CIITA: variants seen among roughly 807,000 people sequenced by gnomAD.
CIITA encodes MHC class II transactivator.
CIITA carries 72 observed loss-of-function variants against 115.1 expected under a neutral mutation model. That is an observed-to-expected ratio of 0.63 (90% CI 0.52 to 0.76). CIITA has a LOEUF of 0.76. Among genes scored for constraint, CIITA ranks in the 30% least tolerant of loss-of-function variants. The pLI, the probability that CIITA is intolerant of heterozygous loss-of-function variation, is 0.00. For missense variants in CIITA, 1,617 were observed against 1,463.8 expected, an observed-to-expected ratio of 1.10 and a Z score of -1.71; for synonymous variants, 763 against 635.6, an observed-to-expected ratio of 1.20 and a Z score of -3.02.
At chr16:10,889,005 A>C (rs889132759) in intron 1 of CIITA, among the ~76,000 whole-genome samples, 3 of 152,220 alleles carry the variant, frequency 2.0e-5, no homozygotes, top group Non-Finnish European at 4.4e-5. Context: ...GAGTCATGTC[A>C]TTTGGTACCT....
At position 10,907,772 on chromosome 16, in the gene CIITA, G is replaced by A. The variant is rs534878029; in HGVS notation, c.2280G>A (p.Gly760=). The A allele has an allele frequency of 1.2e-6, 2 of 1,614,224 alleles. No homozygotes were observed. The highest frequency in any genetic ancestry group is 1.7e-6 in the Non-Finnish European group (2 of 1,180,034). ...WLEGVPRFLA[G]LIFQPPARCL... ...AGGGCGTGCCACGCTTTCTGGCTGGGCTGATCTTCCAGCCTCCCGCCCGCT... is the reference window on the plus strand; with the variant it reads ...AGGGCGTGCCACGCTTTCTGGCTGGACTGATCTTCCAGCCTCCCGCCCGCT... The change falls in exon 11 of 20, where the codon GGG becomes GGA. Residue 760 remains glycine, a synonymous_variant. Coordinates refer to ENST00000324288, the MANE Select transcript of CIITA (RefSeq NM_000246.4). The surrounding 1 kb of genome is among the most constrained non-coding windows in gnomAD (Gnocchi z 5.0).
chr16:10,879,613 G>A lies in CIITA; in HGVS notation c.52+2231G>A, dbSNP rs1489439052. 6.7e-6 allele frequency among the ~76,000 whole-genome samples: 1 copy of A among 149,036 alleles called. No individual in the cohort carries two copies. The highest frequency in any genetic ancestry group is 2.4e-5 in the African/African-American group (1 of 40,834). Reference sequence around the variant, plus strand: ...CTCAACTCTCGTTGAACATCTTGGCGAAGGTGTGTGTTGTTGGGAGGGGTG... The same window carrying A: ...CTCAACTCTCGTTGAACATCTTGGCAAAGGTGTGTGTTGTTGGGAGGGGTG... On this transcript the variant is annotated intron_variant, in intron 1 of 19. Coordinates refer to ENST00000324288, the MANE Select transcript of CIITA (RefSeq NM_000246.4). This position sits in a 1 kb window ranked among gnomAD's most constrained non-coding sequence, Gnocchi z 4.3.
At chr16:10,894,066 G>T (rs1203794328) in intron 1 of CIITA, among the ~76,000 whole-genome samples, 2 of 152,040 alleles carry the variant, frequency 1.3e-5, no homozygotes, top group Non-Finnish European at 2.9e-5. Context: ...TGCCCAGGCT[G>T]GTCTTGAACA....
intron 1 of CIITA, among the ~76,000 whole-genome samples, chr16:10,892,941 C>CA (rs2037744950): frequency 6.6e-6 from 1 of 151,520 alleles, no homozygotes; most frequent in Non-Finnish European, 1.5e-5. Flanking sequence ...CAAAAGAAGG[C>CA]AAAAAAAGAA....
rs1164161186 is a variant in CIITA at position 10,924,157 on chromosome 16, G to C, written c.*302G>C. On this transcript the variant is annotated 3_prime_UTR_variant, in exon 20 of 20. Transcript: ENST00000324288. ...CCTTCTCTGAAGGACATTGCGGACA[G>C]CCACGGCCAGGCCAGAGGGAGTGAC... 1 of 152,358 alleles carries C rather than the reference G, an allele frequency of 6.6e-6. No homozygotes were observed. The highest frequency in any genetic ancestry group is 1.5e-5 in the Non-Finnish European group (1 of 68,154). 9.4% of individuals were successfully genotyped at this position (152,358 alleles called of 1,614,324 possible). A position where few individuals can be genotyped will look rare whatever the true frequency, so the allele number is the denominator to read the frequency against.
In CIITA at chr16:10,923,721, G is replaced by A. The variant is rs1217494307; in HGVS notation, c.*23-157G>A. Among the ~76,000 whole-genome samples, 1 of 151,994 alleles carries A rather than the reference G, an allele frequency of 6.6e-6. No homozygotes were observed. The highest frequency in any genetic ancestry group is 2.4e-5 in the African/African-American group (1 of 41,360). ...CCTGCTCCTCACTATGAAGATCACT[G>A]TCCCCCAGCCCTGTGCTCCCCGCAC... is the stretch of plus-strand genomic sequence containing the variant. On this transcript the variant is annotated intron_variant, in intron 19 of 19. Transcript: ENST00000324288. This position sits in a 1 kb window ranked among gnomAD's most constrained non-coding sequence, Gnocchi z 5.2.
chr16:10,936,974 G>C (rs1475395577), downstream of CIITA: 1 of 152,214 alleles, frequency 6.6e-6, no homozygotes, highest in African/African-American at 2.4e-5. Context: ...CACTTTCTTA[G>C]TTCGGCAAAA....
At position 10,907,204 on chromosome 16, in the gene CIITA, T is replaced by A; in HGVS notation, c.1712T>A (p.Met571Lys). Residue 571 changes from methionine (M) to lysine (K), a missense_variant, in exon 11 of 20, where the codon ATG becomes AAG. By Grantham distance (95) the Met-to-Lys change is moderately conservative (BLOSUM62 -1). Coordinates refer to ENST00000324288, the MANE Select transcript of CIITA (RefSeq NM_000246.4). This position sits in a 1 kb window ranked among gnomAD's most constrained non-coding sequence, Gnocchi z 5.0. ...CTATTTGAGCTGTCCGGCTTCTCCATGGAGCAGGCCCAGGCATACGTGATG... is the reference window on the plus strand; with the variant it reads ...CTATTTGAGCTGTCCGGCTTCTCCAAGGAGCAGGCCCAGGCATACGTGATG... ...DALFELSGFS[M>K]EQAQAYVMRY... The A allele has an allele frequency of 6.2e-7, 1 of 1,613,222 alleles. No homozygotes were observed. The highest frequency in any genetic ancestry group is 8.5e-7 in the Non-Finnish European group (1 of 1,179,916).
intron 1 of CIITA, among the ~76,000 whole-genome samples, chr16:10,891,809 C>T (rs1048376657): frequency 3.3e-5 from 5 of 152,310 alleles, no homozygotes; most frequent in Non-Finnish European, 7.3e-5. Flanking sequence ...AGGAAAAGGG[C>T]GGTGGCCCCA....
At chr16:10,918,645 G>C in intron 16 of CIITA, 119 bp downstream of exon 16, 1 of 801,986 alleles carries the variant, frequency 1.2e-6, no homozygotes, top group Non-Finnish European at 2.0e-6. Context: ...CCACAGCCCT[G>C]AACAAAAGGA....
chr16:10,904,484 G>T (rs558444172), intron 9 of CIITA, among the ~76,000 whole-genome samples: 2 of 152,312 alleles, frequency 1.3e-5, no homozygotes, highest in African/African-American at 4.8e-5. Flanking sequence ...ACCTCCCAAA[G>T]TGCTGGGATT....
At chr16:10,883,055 TCTCAGCAAGCAGGACTGG>T (rs1341917487) in intron 1 of CIITA, among the ~76,000 whole-genome samples, 3 of 152,006 alleles carry the variant, frequency 2.0e-5, no homozygotes, top group African/African-American at 7.3e-5. Flanking sequence ...CGTAGTCAGA[TCTCAGCAAGCAGGACTGG>T]CTCGTGGTTC....
intron 1 of CIITA, among the ~76,000 whole-genome samples, chr16:10,878,233 C>A (rs748117113): frequency 1.3e-5 from 2 of 152,220 alleles, no homozygotes; most frequent in African/African-American, 2.4e-5. Context: ...TTGCTTTGAA[C>A]CCAGAGACTG....
chr16:10,910,609 T>G (rs1175763489), intron 13 of CIITA, among the ~76,000 whole-genome samples: 2 of 152,260 alleles, frequency 1.3e-5, no homozygotes, highest in East Asian at 1.9e-4. Context: ...GGAGGTGATA[T>G]CTGCACTGAA....
chr16:10,941,699 G>A lies in CIITA; in HGVS notation n.825G>A. 6.3e-7 allele frequency: 1 copy of A among 1,592,502 alleles called. No individual in the cohort carries two copies. Among genetic ancestry groups the A allele is most frequent in the Non-Finnish European group, 8.6e-7 (1 of 1,168,296 alleles). ...GGGTTGCGGATCGTGTAGGGAAGAG[G>A]GGAACAGCAGTCGAGACCCTACTCC... On this transcript the variant is annotated non_coding_transcript_exon_variant, in exon 2 of 2. Coordinates refer to the CIITA transcript ENST00000573379. The surrounding 1 kb of genome is among the most constrained non-coding windows in gnomAD (Gnocchi z 6.4).
intron 1 of CIITA, among the ~76,000 whole-genome samples, chr16:10,891,407 C>A (rs1253433897): frequency 2.0e-5 from 3 of 152,152 alleles, no homozygotes; most frequent in African/African-American, 7.2e-5. Flanking sequence ...AGGTCCCTGG[C>A]AGACCCAATG....
upstream of CIITA, among the ~76,000 whole-genome samples, chr16:10,874,479 T>C (rs11074932): frequency 0.34 from 51,065 of 152,020 alleles, 9,969 homozygotes; most frequent in East Asian, 0.88. Flanking sequence ...AATCCAGGTG[T>C]GCCTCAGCTC....
At chr16:10,875,367 A>G (rs2035761136), upstream of CIITA, among the ~76,000 whole-genome samples, 1 of 151,864 alleles carries the variant, frequency 6.6e-6, no homozygotes, top group Admixed American at 6.6e-5. Flanking sequence ...CCCACTCCTC[A>G]CCCGGGGACT....
Position 10,929,812 on chromosome 16 carries a change from T to A in CIITA, c.*5957T>A, listed in dbSNP as rs2040700222. On this transcript the variant is annotated 3_prime_UTR_variant, in exon 20 of 20. Coordinates refer to ENST00000324288, the MANE Select transcript of CIITA (RefSeq NM_000246.4). The surrounding 1 kb of genome is among the most constrained non-coding windows in gnomAD (Gnocchi z 4.3). Reference sequence around the variant, plus strand: ...ACCCTGGGCTGGAGAACCAGTGCAATGTCACACGGGAGAGGAAGGACTGTC... The same window carrying A: ...ACCCTGGGCTGGAGAACCAGTGCAAAGTCACACGGGAGAGGAAGGACTGTC... 1 of 153,136 alleles carries A rather than the reference T, an allele frequency of 6.5e-6. No individual in the cohort carries two copies. Among genetic ancestry groups the A allele is most frequent in the Admixed American group, 6.5e-5 (1 of 15,280 alleles). 9.5% of individuals were successfully genotyped at this position (153,136 alleles called of 1,614,324 possible). A position where few individuals can be genotyped will look rare whatever the true frequency, so the allele number is the denominator to read the frequency against.
Sources: gnomAD v4.1 joint callset for allele counts (sites outside exome capture counted in the v4.1 genomes callset) on GRCh38, gnomAD v4.1.1 for gene constraint, Gnocchi (gnomAD v3.1) non-coding constraint, MANE v1.5 for transcripts, NCBI Gene and HGNC (gene_info 2026-07-23, HGNC 2026-07-21) for gene names.